Variants in TRAK1 observed in about 807,000 individuals in gnomAD.
TRAK1 encodes trafficking kinesin-binding protein 1.
A neutral mutation model predicts 92.1 loss-of-function variants in TRAK1; 33 were observed. The ratio of observed to expected loss-of-function variants is 0.36; its 90% CI spans 0.27 to 0.48. TRAK1 has a LOEUF of 0.48. Among genes scored for constraint, TRAK1 ranks in the 20% least tolerant of loss-of-function variants. The probability of loss-of-function intolerance (pLI) is 0.99; values close to 1 mark genes in which losing one functional copy is unlikely to be tolerated. For synonymous variants in TRAK1, 521 were observed against 517.3 expected (o/e 1.01, Z -0.10); for missense variants, 1,123 against 1,257.9 (o/e 0.89, Z 1.62).
intron 1 of TRAK1, among the ~76,000 whole-genome samples, chr3:42,038,195 T>G (rs1702395431): frequency 6.6e-6 from 1 of 152,332 alleles, no homozygotes; most frequent in Middle Eastern, 3.4e-3. Context: ...GTCAGAGACG[T>G]CCCAGAAGTT....
At chr3:42,031,823 G>A (rs1702157704) in intron 1 of TRAK1, among the ~76,000 whole-genome samples, 1 of 152,060 alleles carries the variant, frequency 6.6e-6, no homozygotes, top group South Asian at 2.1e-4. Context: ...ATAATAAAAT[G>A]CCCCCAGAGT....
chr3:42,125,726 T>A, intron 2 of TRAK1, 112 bp downstream of exon 2: 1 of 1,218,768 alleles, frequency 8.2e-7, no homozygotes, highest in Non-Finnish European at 1.1e-6. Flanking sequence ...TTGCCACCTC[T>A]GGAAAGGTAG....
intron 5 of TRAK1, among the ~76,000 whole-genome samples, chr3:42,188,425 G>A (rs905155984): frequency 1.3e-5 from 2 of 152,214 alleles, no homozygotes; most frequent in African/African-American, 4.8e-5. Flanking sequence ...TAATGGGTTA[G>A]GCTCTGCTGT....
intron 13 of TRAK1, among the ~76,000 whole-genome samples, chr3:42,205,022 G>C (rs941209136): frequency 1.3e-5 from 2 of 152,208 alleles, no homozygotes; most frequent in Non-Finnish European, 2.9e-5. Context: ...AGCTCTGACT[G>C]TGACATTAGA....
intron 3 of TRAK1, among the ~76,000 whole-genome samples, chr3:42,183,568 A>AAAAAAAAAAAAAAAAAAAG (rs1553751625): frequency 8.3e-5 from 12 of 145,220 alleles, no homozygotes; most frequent in Non-Finnish European, 1.7e-4. Context: ...AAAAAAAAAA[A>AAAAAAAAAAAAAAAAAAAG]AAAGAAAGAA....
chr3:42,187,977 GA>G, intron 4 of TRAK1, 67 bp from the exon 5 acceptor site: 1 of 1,323,526 alleles, frequency 7.6e-7, no homozygotes, highest in Non-Finnish European at 1.1e-6. Flanking sequence ...TTAAGTGTTG[GA>G]ATGTGAGTCG....
intron 1 of TRAK1, among the ~76,000 whole-genome samples, chr3:42,075,644 C>T (rs1704123420): frequency 6.6e-6 from 1 of 152,182 alleles, no homozygotes; most frequent in Non-Finnish European, 1.5e-5. Flanking sequence ...TCCTCAAGCT[C>T]ACCAGCATCC....
chr3:42,061,655 A>G (rs1403214178), intron 1 of TRAK1, among the ~76,000 whole-genome samples: 1 of 152,184 alleles, frequency 6.6e-6, no homozygotes, highest in Non-Finnish European at 1.5e-5. Flanking sequence ...CCGTGCAAGT[A>G]CAAATACAAG....
chr3:42,178,233 T>C (rs541540699), intron 3 of TRAK1, among the ~76,000 whole-genome samples: 3 of 152,186 alleles, frequency 2.0e-5, no homozygotes, highest in East Asian at 1.9e-4. Context: ...AGCAGTGAGA[T>C]TGTAGCTTCT....
Position 42,179,804 on chromosome 3 carries a change from T to C in TRAK1, c.363+2914T>C, listed in dbSNP as rs1043552896. 1.1e-4 allele frequency among the ~76,000 whole-genome samples: 17 copies of C among 152,260 alleles called. 1 individual carries two copies. Among genetic ancestry groups the C allele is most frequent in the African/African-American group, 3.4e-4 (14 of 41,468 alleles). ...GGAATAAAGGAACTAGTTCTTTTAATACCTTATTTCCAAGGGCCTAAATTA... is the reference window on the plus strand; with the variant it reads ...GGAATAAAGGAACTAGTTCTTTTAACACCTTATTTCCAAGGGCCTAAATTA... On this transcript the variant is annotated intron_variant, in intron 3 of 15. Transcript: ENST00000327628.
intron 4 of TRAK1, among the ~76,000 whole-genome samples, chr3:42,186,035 T>G (rs1238625348): frequency 7.0e-6 from 1 of 143,300 alleles, no homozygotes; most frequent in Non-Finnish European, 1.5e-5. Flanking sequence ...CAGGCTAGAG[T>G]GCAGTCGTGA....
intron 14 of TRAK1, 110 bp downstream of exon 14, chr3:42,210,095 G>GGAGGAA (rs2149505665): frequency 6.2e-7 from 1 of 1,604,996 alleles, no homozygotes; most frequent in Non-Finnish European, 8.5e-7. Context: ...CGGAGGAGGA[G>GGAGGAA]GAGGAGGAGG....
At chr3:42,064,499 T>C (rs1392955894) in intron 1 of TRAK1, among the ~76,000 whole-genome samples, 1 of 152,224 alleles carries the variant, frequency 6.6e-6, no homozygotes, top group Non-Finnish European at 1.5e-5. Context: ...CTCTAAAATA[T>C]TATCACCTAG....
intron 2 of TRAK1, among the ~76,000 whole-genome samples, chr3:42,140,406 G>A (rs1262519306): frequency 2.6e-5 from 4 of 152,196 alleles, no homozygotes; most frequent in Admixed American, 2.6e-4. Context: ...GAGGCAGGCG[G>A]ATCATGAGGT....
chr3:42,048,499 C>G (rs747826168), intron 1 of TRAK1, among the ~76,000 whole-genome samples: 115 of 152,118 alleles, frequency 7.6e-4, no homozygotes, highest in African/African-American at 2.3e-3. Flanking sequence ...CGAAAAGTCA[C>G]TGTTTCTAAC....
chr3:42,042,513 AG>A (rs1209737284), intron 1 of TRAK1, among the ~76,000 whole-genome samples: 1 of 151,980 alleles, frequency 6.6e-6, no homozygotes, highest in Non-Finnish European at 1.5e-5. Context: ...CTGAAATTAC[AG>A]GCATGCACCA....
intron 2 of TRAK1, among the ~76,000 whole-genome samples, chr3:42,149,790 T>G (rs1031231109): frequency 3.3e-5 from 5 of 152,050 alleles, no homozygotes; most frequent in Non-Finnish European, 7.4e-5. Context: ...CTCTTTACCG[T>G]GAAAGACTCC....
chr3:42,211,275 T>C lies in TRAK1; in HGVS notation c.1963+1290T>C, dbSNP rs553914108. 1.4e-3 allele frequency: 1,420 copies of C among 985,434 alleles called. 2 individuals are homozygous for C. The highest frequency in any genetic ancestry group is 1.6e-3 in the Non-Finnish European group (1,359 of 829,938). The allele number at this position is 985,434 out of a possible 1,614,324, so 61.0% of individuals were successfully genotyped here. ...GACAGCTGTGGTCAAGGGATTTTAC[T>C]TGGGATCAACTTTTCCTTTTTTCCT... is the stretch of plus-strand genomic sequence containing the variant. On this transcript the variant is annotated intron_variant, in intron 14 of 15. Coordinates refer to ENST00000327628, the MANE Select transcript of TRAK1 (RefSeq NM_001042646.3).
At chr3:42,107,894 G>C (rs967170356) in intron 1 of TRAK1, among the ~76,000 whole-genome samples, 3 of 151,324 alleles carry the variant, frequency 2.0e-5, no homozygotes, top group African/African-American at 7.3e-5. Context: ...TGCTCTTCCT[G>C]TCCTTCAGTT....
Sources: gnomAD v4.1 joint callset for allele counts (sites outside exome capture counted in the v4.1 genomes callset) on GRCh38, gnomAD v4.1.1 for gene constraint, MANE v1.5 for transcripts, NCBI Gene and HGNC (gene_info 2026-07-23, HGNC 2026-07-21) for gene names.